Variants in CD99L2 observed in about 807,000 individuals in gnomAD.
The protein encoded by CD99L2 is CD99 antigen-like protein 2.
A neutral mutation model predicts 27.3 loss-of-function variants in CD99L2; 24 were observed. The ratio of observed to expected loss-of-function variants is 0.88; its 90% CI spans 0.64 to 1.24. The LOEUF (loss-of-function observed/expected upper bound fraction) is 1.24, where lower values mean the gene tolerates loss of function less well. Among genes scored for constraint, CD99L2 ranks in the 50% most tolerant of loss-of-function variants. The probability of loss-of-function intolerance (pLI) is 0.00; values close to 1 mark genes in which losing one functional copy is unlikely to be tolerated. For synonymous variants in CD99L2, 97 were observed against 87.9 expected (o/e 1.10, Z -0.58); for missense variants, 255 against 221.6 (o/e 1.15, Z -0.96).
At chrX:150,813,143 T>C (rs1351629471) in intron 4 of CD99L2, among the ~76,000 whole-genome samples, 1 of 111,452 alleles carries the variant, frequency 9.0e-6, no homozygotes, top group Non-Finnish European at 1.9e-5. Flanking sequence ...ATACTTATGG[T>C]GACGGAACTG....
At chrX:150,780,512 C>T (rs2045492868) in intron 7 of CD99L2, among the ~76,000 whole-genome samples, 1 of 111,794 alleles carries the variant, frequency 8.9e-6, no homozygotes, top group Non-Finnish European at 1.9e-5. Context: ...ATGTTCATCG[C>T]AGTATTCATA....
At chrX:150,823,660 G>A (rs782815340) in intron 2 of CD99L2, among the ~76,000 whole-genome samples, 2 of 111,693 alleles carry the variant, frequency 1.8e-5, no homozygotes, top group African/African-American at 6.5e-5. Context: ...AGGTTGAGGT[G>A]CTGCATTTTG....
chrX:150,856,394 C>CT (rs2046889062), intron 1 of CD99L2, among the ~76,000 whole-genome samples: 1 of 111,910 alleles, frequency 8.9e-6, no homozygotes, highest in South Asian at 3.7e-4. Context: ...CACATGCCGA[C>CT]TGGGCACTCA....
At chrX:150,818,528 C>CAA (rs140829362) in intron 2 of CD99L2, among the ~76,000 whole-genome samples, 9,832 of 107,929 alleles carry the variant, frequency 0.091, 487 homozygotes, top group South Asian at 0.15. Context: ...ACCAATAGGT[C>CAA]AAAAAAAACC....
Position 150,775,342 on chromosome X carries a change from C to T in CD99L2, c.655+832G>A, listed in dbSNP as rs782064244. On this transcript the variant is annotated intron_variant, in intron 9 of 10. Coordinates refer to ENST00000370377, the MANE Select transcript of CD99L2 (RefSeq NM_031462.4). ...AATTGCCAGCCTTGAACTGGAGACA[C>T]GCTCCACTCAGCAAACAGTGACAGA... 3.7e-4 allele frequency among the ~76,000 whole-genome samples: 41 copies of T among 112,153 alleles called. 1 individual carries two copies. The South Asian group carries it at 0.013, about 37-fold the overall frequency.
intron 2 of CD99L2, among the ~76,000 whole-genome samples, chrX:150,827,853 A>G (rs971986596): frequency 8.9e-6 from 1 of 111,884 alleles, no homozygotes; most frequent in African/African-American, 3.2e-5. Flanking sequence ...TTTTGCATGT[A>G]GATATCCTAT....
At chrX:150,872,264 G>A (rs1488824106) in intron 1 of CD99L2, among the ~76,000 whole-genome samples, 1 of 110,186 alleles carries the variant, frequency 9.1e-6, no homozygotes, top group Admixed American at 9.7e-5. Flanking sequence ...CTCATAAACA[G>A]ATCAGTGGTT....
At chrX:150,805,188 A>AAAAC (rs1209592226) in intron 4 of CD99L2, among the ~76,000 whole-genome samples, 26 of 111,429 alleles carry the variant, frequency 2.3e-4, no homozygotes, top group Non-Finnish European at 2.8e-4. Context: ...ACTCCGACTC[A>AAAAC]AAACAAACAA....
At chrX:150,801,043 C>T (rs185731834) in intron 4 of CD99L2, among the ~76,000 whole-genome samples, 2,916 of 107,622 alleles carry the variant, frequency 0.027, 42 homozygotes, top group Non-Finnish European at 0.04. Flanking sequence ...AAAAAAAAAA[C>T]AAAAAAACCC....
At position 150,800,060 on chromosome X, in the gene CD99L2, C is replaced by T. The variant is rs905231620; in HGVS notation, c.278-4574G>A. On this transcript the variant is annotated intron_variant, in intron 4 of 10. Transcript: ENST00000370377. ...ATTATTCAGGCTTAAAAGAAAGAAA[C>T]TCTGGTACATGCTGCAACATGGATA... Among the ~76,000 whole-genome samples, 16 of 112,424 alleles carry T rather than the reference C, an allele frequency of 1.4e-4. No homozygotes were observed. In the Admixed American group the frequency reaches 1.5e-3, roughly 11 times the overall value.
intron 4 of CD99L2, among the ~76,000 whole-genome samples, chrX:150,796,974 G>T (rs1557419925): frequency 2.7e-5 from 3 of 111,426 alleles, no homozygotes; most frequent in African/African-American, 9.8e-5. Flanking sequence ...ACACAACATA[G>T]CAAAATATGT....
At chrX:150,889,467 T>TAAA (rs373044500) in intron 1 of CD99L2, among the ~76,000 whole-genome samples, 6 of 91,428 alleles carry the variant, frequency 6.6e-5, no homozygotes, top group African/African-American at 2.0e-4. Context: ...GAAGCAGCAA[T>TAAA]AAAAAAAAAA....
At chrX:150,868,084 A>AAATAAT (rs781930485) in intron 1 of CD99L2, among the ~76,000 whole-genome samples, 1,928 of 96,447 alleles carry the variant, frequency 0.02, 20 homozygotes, top group African/African-American at 0.035. Context: ...TCCATCTCAA[A>AAATAAT]AATAATAATA....
chrX:150,827,538 A>G (rs1266466354), intron 2 of CD99L2, among the ~76,000 whole-genome samples: 2 of 111,953 alleles, frequency 1.8e-5, no homozygotes, highest in Non-Finnish European at 1.9e-5. Context: ...GAAGTTGACA[A>G]ATTTATTGAA....
At chrX:150,772,714 G>T (rs1348306130) in intron 9 of CD99L2, among the ~76,000 whole-genome samples, 1 of 112,576 alleles carries the variant, frequency 8.9e-6, no homozygotes, top group Admixed American at 9.3e-5. Flanking sequence ...GCTCTGGACT[G>T]GCAGGGGCCA....
chrX:150,793,880 A>C (rs2045741821), intron 6 of CD99L2, 124 bp from the exon 7 acceptor site: 2 of 515,309 alleles, frequency 3.9e-6, no homozygotes, highest in East Asian at 3.9e-5. Context: ...CCCTTCATGA[A>C]ATTCTAAGAG....
At chrX:150,885,358 TACAAAAAAACAACAACA>T (rs200600279) in intron 1 of CD99L2, among the ~76,000 whole-genome samples, 1,622 of 110,920 alleles carry the variant, frequency 0.015, 38 homozygotes, top group African/African-American at 0.05. Flanking sequence ...ACTCCACTTC[TACAAAAAAACAACAACA>T]ACAAAAAAAC....
At chrX:150,885,663 G>A (rs2047397781) in intron 1 of CD99L2, among the ~76,000 whole-genome samples, 2 of 112,072 alleles carry the variant, frequency 1.8e-5, no homozygotes, top group African/African-American at 3.2e-5. Flanking sequence ...CATTTGGTAT[G>A]TCAGACTTTA....
chrX:150,848,404 G>A (rs114753222), intron 1 of CD99L2, among the ~76,000 whole-genome samples: 3,240 of 109,675 alleles, frequency 0.03, 130 homozygotes, highest in African/African-American at 0.1. Flanking sequence ...TGGGAGATGG[G>A]AAATTGCTTA....
Sources: gnomAD v4.1 joint callset for allele counts (sites outside exome capture counted in the v4.1 genomes callset) on GRCh38, gnomAD v4.1.1 for gene constraint, MANE v1.5 for transcripts, NCBI Gene and HGNC (gene_info 2026-07-23, HGNC 2026-07-21) for gene names.